The following ADAM23 variants were observed in gnomAD, a reference collection of about 807,000 sequenced individuals.
ADAM23 encodes ADAM metallopeptidase domain 23, also known as disintegrin and metalloproteinase domain-containing protein 23.
Under a neutral mutation model 120.1 loss-of-function variants are expected in ADAM23, and 33 were observed. The ratio of observed to expected loss-of-function variants is 0.27; its 90% CI spans 0.21 to 0.37. The LOEUF (loss-of-function observed/expected upper bound fraction) is 0.37, where lower values mean the gene tolerates loss of function less well. ADAM23 is among the 10% of genes least tolerant of loss of function. The pLI is 1.00. For missense variants in ADAM23, 862 were observed against 1,058.2 expected (o/e 0.81, Z 2.57); for synonymous variants, 367 against 375.2 (o/e 0.98, Z 0.25).
chr2:206,614,805 T>C (rs1323187047), intron 25 of ADAM23, among the ~76,000 whole-genome samples: 1 of 152,214 alleles, frequency 6.6e-6, no homozygotes, highest in African/African-American at 2.4e-5. Flanking sequence ...ATTTGGCTAG[T>C]CTTTCCACGA....
chr2:206,533,939 C>T (rs1434980163), intron 4 of ADAM23, among the ~76,000 whole-genome samples: 1 of 152,206 alleles, frequency 6.6e-6, no homozygotes, highest in Non-Finnish European at 1.5e-5. Flanking sequence ...CCTACCAGTG[C>T]TTTGCACATA....
intron 21 of ADAM23, among the ~76,000 whole-genome samples, chr2:206,590,595 C>T (rs1698407749): frequency 6.6e-6 from 1 of 152,148 alleles, no homozygotes; most frequent in South Asian, 2.1e-4. Flanking sequence ...AGTTAATGAT[C>T]TCTGCTATAT....
At chr2:206,584,526 C>T (rs1433735698) in intron 18 of ADAM23, among the ~76,000 whole-genome samples, 1 of 152,130 alleles carries the variant, frequency 6.6e-6, no homozygotes, top group East Asian at 1.9e-4. Context: ...TGACAACCTG[C>T]ATGACTCAGC....
At chr2:206,593,878 C>T (rs1225099742) in intron 22 of ADAM23, among the ~76,000 whole-genome samples, 2 of 151,812 alleles carry the variant, frequency 1.3e-5, no homozygotes, top group African/African-American at 4.8e-5. Context: ...TATGAAACCA[C>T]TGTCATATAT....
At chr2:206,528,837 T>C (rs1244650387) in intron 3 of ADAM23, among the ~76,000 whole-genome samples, 1 of 152,232 alleles carries the variant, frequency 6.6e-6, no homozygotes, top group Non-Finnish European at 1.5e-5. Context: ...GTTTAGAGCA[T>C]ACAGCTGGCT....
At chr2:206,516,044 A>G (rs1574508213) in intron 3 of ADAM23, among the ~76,000 whole-genome samples, 1 of 151,956 alleles carries the variant, frequency 6.6e-6, no homozygotes, top group East Asian at 1.9e-4. Flanking sequence ...TGGAAAATAT[A>G]TTCACCCAGT....
rs146884016 is a variant in ADAM23 at position 206,594,861 on chromosome 2, A to C, written c.2203A>C (p.Ser735Arg). Reference sequence around the variant, plus strand: ...ACAAATTCAAGCCCTAAATATGAGCAGCTGTCCACTCGATTCCAAGGGTAA... The same window carrying C: ...ACAAATTCAAGCCCTAAATATGAGCCGCTGTCCACTCGATTCCAAGGGTAA... The part of the protein sequence containing the change: ...CLQIQALNMS[S>R]CPLDSKGKVC... Residue 735 changes from serine to arginine, a missense_variant, in exon 23 of 26, where the codon AGC becomes CGC. By Grantham distance (110) the Ser-to-Arg change is moderately radical. Around this residue, in one of 4 missense-constraint regions of ADAM23, gnomAD observed 617 missense variants for 813.5 expected, o/e 0.76. Transcript: ENST00000264377. 40 of 1,614,186 alleles carry C rather than the reference A, an allele frequency of 2.5e-5. No individual in the cohort carries two copies. The highest frequency in any genetic ancestry group is 3.3e-4 in the Middle Eastern group (2 of 6,062).
intron 15 of ADAM23, 45 bp downstream of exon 15, chr2:206,567,367 A>C (rs1388727105): frequency 9.4e-6 from 14 of 1,485,376 alleles, no homozygotes; most frequent in Non-Finnish European, 1.3e-5. Context: ...TTATTTCTCC[A>C]GTGTTTTACA....
At chr2:206,581,859 C>T (rs920580834) in intron 18 of ADAM23, among the ~76,000 whole-genome samples, 1 of 151,684 alleles carries the variant, frequency 6.6e-6, no homozygotes, top group African/African-American at 2.4e-5. Context: ...TGTCTATGTC[C>T]TTTCTCTTCC....
intron 18 of ADAM23, among the ~76,000 whole-genome samples, chr2:206,581,241 G>A (rs902206823): frequency 2.6e-5 from 4 of 151,758 alleles, no homozygotes; most frequent in African/African-American, 7.3e-5. Flanking sequence ...TGCTGATCTC[G>A]GCTGTTTTCT....
chr2:206,523,603 A>G (rs1696888317), intron 3 of ADAM23, among the ~76,000 whole-genome samples: 1 of 152,196 alleles, frequency 6.6e-6, no homozygotes, highest in Admixed American at 6.5e-5. Flanking sequence ...TTTGGTATGA[A>G]AACTATTTTA....
At chr2:206,604,446 T>C (rs1234832990) in intron 24 of ADAM23, among the ~76,000 whole-genome samples, 2 of 152,148 alleles carry the variant, frequency 1.3e-5, no homozygotes, top group Non-Finnish European at 2.9e-5. Context: ...TTTTGAGTTC[T>C]AATGTATTGT....
intron 2 of ADAM23, among the ~76,000 whole-genome samples, chr2:206,463,524 A>G (rs1695472206): frequency 6.6e-6 from 1 of 152,244 alleles, no homozygotes; most frequent in Non-Finnish European, 1.5e-5. Context: ...CCTGACATCC[A>G]GGGAAATTTG....
chr2:206,615,981 C>G (rs1311664249), intron 25 of ADAM23, among the ~76,000 whole-genome samples: 1 of 152,182 alleles, frequency 6.6e-6, no homozygotes, highest in Non-Finnish European at 1.5e-5. Context: ...TTGCCCTTTC[C>G]TCTACATTTG....
At chr2:206,469,641 A>G (rs1559221145) in intron 2 of ADAM23, among the ~76,000 whole-genome samples, 2 of 152,170 alleles carry the variant, frequency 1.3e-5, no homozygotes, top group Non-Finnish European at 1.5e-5. Context: ...GCAAATTACT[A>G]TTTCATTCAG....
At chr2:206,480,380 TGTG>T (rs1695871721) in intron 2 of ADAM23, among the ~76,000 whole-genome samples, 1 of 152,010 alleles carries the variant, frequency 6.6e-6, no homozygotes, top group Non-Finnish European at 1.5e-5. Flanking sequence ...CAGCACCCAC[TGTG>T]CCTTAGGAAT....
intron 3 of ADAM23, among the ~76,000 whole-genome samples, chr2:206,484,799 T>C (rs1476225587): frequency 6.6e-6 from 1 of 152,190 alleles, no homozygotes; most frequent in Non-Finnish European, 1.5e-5. Flanking sequence ...AATCCCCATG[T>C]GTCATGGGAG....
intron 3 of ADAM23, 63 bp from the exon 4 acceptor site, chr2:206,530,822 G>T: frequency 6.8e-7 from 1 of 1,462,876 alleles, no homozygotes; most frequent in South Asian, 1.2e-5. Context: ...TTATTGAGCC[G>T]ATTGTTTTTA....
intron 3 of ADAM23, among the ~76,000 whole-genome samples, chr2:206,511,788 A>G (rs1696628810): frequency 6.6e-6 from 1 of 152,168 alleles, no homozygotes; most frequent in Admixed American, 6.5e-5. Context: ...ATGTGTAGTA[A>G]TTTTTTATTC....
Sources: allele counts gnomAD v4.1 joint callset (sites outside exome capture counted in the v4.1 genomes callset), GRCh38; gene constraint gnomAD v4.1.1; regional missense constraint gnomAD v4.1.1; transcripts MANE v1.5; gene names NCBI Gene and HGNC (gene_info 2026-07-23, HGNC 2026-07-21).